ZEB1: variants seen among roughly 807,000 people sequenced by gnomAD.
The protein encoded by ZEB1 is zinc finger E-box-binding homeobox 1.
ZEB1 carries 21 observed loss-of-function variants against 84.9 expected under a neutral mutation model. The ratio of observed to expected loss-of-function variants is 0.25; its 90% CI spans 0.18 to 0.36. ZEB1 has a LOEUF of 0.36. Ranked by LOEUF, ZEB1 falls within the 10% of genes least tolerant of loss-of-function variation. The pLI is 1.00. For synonymous variants in ZEB1, 420 were observed against 471.1 expected (o/e 0.89, Z 1.41); for missense variants, 1,104 against 1,330.2 (o/e 0.83, Z 2.65).
chr10:31,521,323 A>G lies in ZEB1; in HGVS notation c.1991A>G (p.Gln664Arg). The G allele has an allele frequency of 1.2e-6, 2 of 1,614,106 alleles. No individual in the cohort carries two copies. The highest frequency in any genetic ancestry group is 1.7e-6 in the Non-Finnish European group (2 of 1,180,014). The change falls in exon 7 of 9, where the codon CAA (glutamine) becomes CGA (arginine). Residue 664 changes from glutamine to arginine, a missense_variant. Gln to Arg is a conservative substitution (Grantham distance 43). This residue lies in a region of ZEB1 where 531 missense variants were observed against 575.2 expected (regional missense o/e 0.92). Coordinates refer to ENST00000424869, the MANE Select transcript of ZEB1 (RefSeq NM_001174096.2). ...CCTGCCAAGAACAATGATCAGCCTC[A>G]ATCTGCAAATGCAAATGAACCCCAG... is the stretch of plus-strand genomic sequence containing the variant. ...NIPAKNNDQP[Q>R]SANANEPQDS...
intron 6 of ZEB1, among the ~76,000 whole-genome samples, chr10:31,514,970 GA>G (rs1233982386): frequency 6.6e-6 from 1 of 152,006 alleles, no homozygotes; most frequent in Non-Finnish European, 1.5e-5. Flanking sequence ...AGTACAACCT[GA>G]AAACATATTA....
intron 1 of ZEB1, among the ~76,000 whole-genome samples, chr10:31,340,951 T>C (rs924958675): frequency 6.6e-6 from 1 of 152,078 alleles, no homozygotes; most frequent in African/African-American, 2.4e-5. Flanking sequence ...GTTCTGGACA[T>C]ACAAGCAGAT....
At chr10:31,451,938 A>G (rs938731629) in intron 1 of ZEB1, among the ~76,000 whole-genome samples, 1 of 152,192 alleles carries the variant, frequency 6.6e-6, no homozygotes, top group Non-Finnish European at 1.5e-5. Flanking sequence ...AAGAACTAGC[A>G]TTCTGTGAGC....
At chr10:31,424,874 A>C (rs766763085) in intron 1 of ZEB1, among the ~76,000 whole-genome samples, 6 of 151,970 alleles carry the variant, frequency 3.9e-5, no homozygotes, top group Non-Finnish European at 8.8e-5. Context: ...TCAACATTTT[A>C]TGCTTAATAA....
At chr10:31,387,147 A>G (rs1168125057) in intron 1 of ZEB1, 2 of 985,820 alleles carry the variant, frequency 2.0e-6, no homozygotes, top group Non-Finnish European at 2.4e-6. Context: ...TTCCACCACA[A>G]GAGGAATATA....
Position 31,405,102 on chromosome 10 carries a change from C to G in ZEB1, c.59-55935C>G, listed in dbSNP as rs555598968. On this transcript the variant is annotated intron_variant, in intron 1 of 8. Transcript: ENST00000424869. ...ATAACAGGAAGCAGAAATTTCTTGT[C>G]TTTTTAGTTATTAATTCCTTTTCCC... Among the ~76,000 whole-genome samples, 4 of 152,066 alleles carry G rather than the reference C, an allele frequency of 2.6e-5. No individual in the cohort carries two copies. In the South Asian group the frequency reaches 8.3e-4, roughly 32 times the overall value.
intron 1 of ZEB1, among the ~76,000 whole-genome samples, chr10:31,357,589 G>A (rs1418923148): frequency 2.6e-5 from 4 of 151,966 alleles, no homozygotes; most frequent in Non-Finnish European, 5.9e-5. Flanking sequence ...AATCACTGTA[G>A]GAAATCAGGA....
rs578016060 is a variant in ZEB1 at position 31,527,812 on chromosome 10, G to A, written c.*548G>A. The A allele has an allele frequency of 4.5e-5, 7 of 155,074 alleles. No homozygotes were observed. The highest frequency in any genetic ancestry group is 7.2e-5 in the Non-Finnish European group (5 of 69,644). 9.6% of individuals were successfully genotyped at this position (155,074 alleles called of 1,614,324 possible). A position where few individuals can be genotyped will look rare whatever the true frequency, so the allele number is the denominator to read the frequency against. ...GAGAAGTATAATGTAGTTCCAACCCGTGCTAACTACCTTTTATAAATTCAG... is the reference window on the plus strand; with the variant it reads ...GAGAAGTATAATGTAGTTCCAACCCATGCTAACTACCTTTTATAAATTCAG... On this transcript the variant is annotated 3_prime_UTR_variant, in exon 9 of 9. Transcript: ENST00000424869.
chr10:31,438,573 A>G (rs1462540229), intron 1 of ZEB1, among the ~76,000 whole-genome samples: 1 of 152,230 alleles, frequency 6.6e-6, no homozygotes, highest in African/African-American at 2.4e-5. Flanking sequence ...GCAGTGGCAC[A>G]TACCAGTAAT....
intron 1 of ZEB1, among the ~76,000 whole-genome samples, chr10:31,405,588 AT>A (rs1164670661): frequency 6.6e-6 from 1 of 152,162 alleles, no homozygotes; most frequent in African/African-American, 2.4e-5. Context: ...GGAAATTAAA[AT>A]TTAGAAATTT....
At chr10:31,376,382 G>C (rs1388978208) in intron 1 of ZEB1, among the ~76,000 whole-genome samples, 2 of 151,734 alleles carry the variant, frequency 1.3e-5, no homozygotes, top group Non-Finnish European at 3.0e-5. Context: ...TTTGCAGTTA[G>C]TAGAGACTGA....
At chr10:31,411,948 A>AT (rs1466125658) in intron 1 of ZEB1, among the ~76,000 whole-genome samples, 3 of 152,002 alleles carry the variant, frequency 2.0e-5, no homozygotes, top group Non-Finnish European at 4.4e-5. Flanking sequence ...TCGATACAAG[A>AT]TTTTTTTTGA....
intron 1 of ZEB1, among the ~76,000 whole-genome samples, chr10:31,398,036 A>T (rs1326694888): frequency 6.6e-6 from 1 of 152,236 alleles, no homozygotes; most frequent in Non-Finnish European, 1.5e-5. Flanking sequence ...TTGAAAGTGT[A>T]TGAACAAAGT....
intron 1 of ZEB1, among the ~76,000 whole-genome samples, chr10:31,378,633 AC>A (rs1057070426): frequency 6.6e-6 from 1 of 151,860 alleles, no homozygotes; most frequent in Admixed American, 6.6e-5. Context: ...GTAAAGAAAA[AC>A]TTTTTTTTCT....
chr10:31,450,502 A>G (rs914573466), intron 1 of ZEB1, among the ~76,000 whole-genome samples: 4 of 152,080 alleles, frequency 2.6e-5, no homozygotes, highest in African/African-American at 9.7e-5. Context: ...AATTTTCTAT[A>G]AATGTTATTC....
intron 1 of ZEB1, among the ~76,000 whole-genome samples, chr10:31,433,351 T>C (rs1372067354): frequency 6.6e-6 from 1 of 152,188 alleles, no homozygotes; most frequent in Non-Finnish European, 1.5e-5. Context: ...AGTTAACATG[T>C]TTTCCAAAAT....
At chr10:31,388,672 A>T (rs1283248516) in intron 1 of ZEB1, among the ~76,000 whole-genome samples, 1 of 152,146 alleles carries the variant, frequency 6.6e-6, no homozygotes, top group Non-Finnish European at 1.5e-5. Context: ...TGTAGGTTTT[A>T]TTAGAAAAGA....
chr10:31,337,541 T>A (rs1398055422), intron 1 of ZEB1, among the ~76,000 whole-genome samples: 1 of 152,076 alleles, frequency 6.6e-6, no homozygotes, highest in African/African-American at 2.4e-5. Flanking sequence ...TTGGGGGAAC[T>A]CAGTATTTGC....
intron 8 of ZEB1, among the ~76,000 whole-genome samples, chr10:31,524,965 G>C (rs1001112455): frequency 6.6e-6 from 1 of 152,240 alleles, no homozygotes; most frequent in South Asian, 2.1e-4. Context: ...GTTGACTCAG[G>C]GATGGCAAAC....
Sources: gnomAD v4.1 joint callset for allele counts (sites outside exome capture counted in the v4.1 genomes callset) on GRCh38, gnomAD v4.1.1 for gene constraint, gnomAD v4.1.1 regional missense constraint, MANE v1.5 for transcripts, NCBI Gene and HGNC (gene_info 2026-07-23, HGNC 2026-07-21) for gene names.